Variants in DUSP13B observed in about 807,000 individuals in gnomAD.
DUSP13B encodes the protein dual specificity protein phosphatase 13B.
At chr10:75,095,827 T>C in the DUSP13B span, 2 of 1,601,862 alleles carry the variant, frequency 1.2e-6, no homozygotes, top group Non-Finnish European at 1.7e-6. Flanking sequence ...GTTAGGAGAG[T>C]GGAGGTAGAT....
At chr10:75,106,274 CCT>C in the DUSP13B span, among the ~76,000 whole-genome samples, 23 of 151,924 alleles carry the variant, frequency 1.5e-4, no homozygotes, top group African/African-American at 5.6e-4. Flanking sequence ...AGAGCTGGCC[CCT>C]GTCGCCTCAT....
At chr10:75,097,681 C>T in the DUSP13B span, 6 of 1,516,530 alleles carry the variant, frequency 4.0e-6, no homozygotes, top group Non-Finnish European at 5.3e-6. Context: ...ACCCTTCCGC[C>T]ATCCCCACTC....
chr10:75,094,647 A>C, the DUSP13B span: 1 of 1,610,496 alleles, frequency 6.2e-7, no homozygotes, highest in Non-Finnish European at 8.5e-7. Context: ...GGTTGGGCCA[A>C]GGGTCAGGGA....
chr10:75,102,307 G>T, the DUSP13B span, among the ~76,000 whole-genome samples: 1 of 152,186 alleles, frequency 6.6e-6, no homozygotes, highest in Non-Finnish European at 1.5e-5. Flanking sequence ...GCCGGGCGTG[G>T]TGGTGGATGC....
chr10:75,107,933 T>A, the DUSP13B span: 515 of 1,528,700 alleles, frequency 3.4e-4, no homozygotes, highest in African/African-American at 6.0e-3. Flanking sequence ...TGAGAGGAAA[T>A]GAGGCATCCT....
the DUSP13B span, among the ~76,000 whole-genome samples, chr10:75,103,194 G>GA: frequency 6.6e-6 from 1 of 152,240 alleles, no homozygotes; most frequent in Admixed American, 6.5e-5. Context: ...GGAGGACAGT[G>GA]AAGAGGCTAG....
At chr10:75,105,757 C>G in the DUSP13B span, 7 of 1,553,348 alleles carry the variant, frequency 4.5e-6, no homozygotes, top group Non-Finnish European at 6.1e-6. Context: ...TCGGTGCTGC[C>G]TCACGGTGAT....
the DUSP13B span, among the ~76,000 whole-genome samples, chr10:75,102,311 T>C: frequency 5.1e-4 from 78 of 151,782 alleles, no homozygotes; most frequent in African/African-American, 1.7e-3. Flanking sequence ...GGCGTGGTGG[T>C]GGATGCCTGT....
the DUSP13B span, among the ~76,000 whole-genome samples, chr10:75,103,231 A>C: frequency 6.6e-6 from 1 of 152,246 alleles, no homozygotes; most frequent in South Asian, 2.1e-4. Flanking sequence ...AACTGGTGGC[A>C]TTGCCAACAG....
the DUSP13B span, chr10:75,107,919 T>C: frequency 7.4e-6 from 11 of 1,485,388 alleles, no homozygotes; most frequent in Middle Eastern, 1.9e-4. Flanking sequence ...AGGGCACTGA[T>C]GACTGAGAGG....
chr10:75,099,498 G>A, the DUSP13B span: 11 of 1,231,892 alleles, frequency 8.9e-6, no homozygotes, highest in African/African-American at 1.7e-4. Context: ...AGCGGAACAG[G>A]GCTGGGCAGG....
the DUSP13B span, among the ~76,000 whole-genome samples, chr10:75,101,123 G>A: frequency 1.3e-5 from 2 of 152,186 alleles, no homozygotes; most frequent in Non-Finnish European, 2.9e-5. Context: ...GCGTGTGGCT[G>A]CCAGTGGGGA....
the DUSP13B span, chr10:75,095,780 G>C: frequency 2.5e-6 from 4 of 1,614,024 alleles, no homozygotes; most frequent in Non-Finnish European, 1.7e-6. Flanking sequence ...GCTTGCTCTT[G>C]TCCCGGGCTG....
chr10:75,103,916 C>G, the DUSP13B span: 1 of 1,313,714 alleles, frequency 7.6e-7, no homozygotes, highest in Middle Eastern at 2.2e-4. Context: ...AAGACAGTGG[C>G]TGAGAGGGGG....
At chr10:75,097,282 C>G in the DUSP13B span, among the ~76,000 whole-genome samples, 2 of 152,088 alleles carry the variant, frequency 1.3e-5, no homozygotes, top group Non-Finnish European at 2.9e-5. Flanking sequence ...GATCTCGGCT[C>G]ACTGCAACCT....
the DUSP13B span, chr10:75,103,922 G>A: frequency 7.6e-7 from 1 of 1,315,204 alleles, no homozygotes; most frequent in Admixed American, 2.2e-5. Flanking sequence ...GTGGCTGAGA[G>A]GGGGTGTAGG....
At chr10:75,094,976 GA>G in the DUSP13B span, 1 of 1,068,472 alleles carries the variant, frequency 9.4e-7, no homozygotes, top group Non-Finnish European at 1.4e-6. Flanking sequence ...CAGTATCCTG[GA>G]ATACTGACAC....
chr10:75,097,619 C>T, the DUSP13B span: 20 of 1,303,086 alleles, frequency 1.5e-5, no homozygotes, highest in Non-Finnish European at 1.8e-5. Flanking sequence ...GCCACCTCTG[C>T]CCTAGAGGGC....
At chr10:75,094,902 T>A in the DUSP13B span, 2 of 1,609,880 alleles carry the variant, frequency 1.2e-6, no homozygotes, top group Non-Finnish European at 1.7e-6. Context: ...CAACTTAGCA[T>A]CAGCTACCTG....
Sources: allele counts gnomAD v4.1 joint callset (sites outside exome capture counted in the v4.1 genomes callset), GRCh38; gene constraint gnomAD v4.1.1; transcripts MANE v1.5; gene names NCBI Gene and HGNC (gene_info 2026-07-23, HGNC 2026-07-21).